TRIM15: variants seen among roughly 807,000 people sequenced by gnomAD.
The protein encoded by TRIM15 is tripartite motif containing 15.
TRIM15 carries 35 observed loss-of-function variants against 35.8 expected under a neutral mutation model. That is an observed-to-expected ratio of 0.98 (90% CI 0.75 to 1.30). The LOEUF is 1.30. Ranked by LOEUF, TRIM15 falls within the 50% of genes most tolerant of loss-of-function variation. The pLI is 0.00. For missense variants in TRIM15, 590 were observed against 593.5 expected, an observed-to-expected ratio of 0.99 and a Z score of 0.06; for synonymous variants, 252 against 249.8, an observed-to-expected ratio of 1.01 and a Z score of -0.08.
intron 2 of TRIM15, 63 bp downstream of exon 2, chr6:30,167,334 C>T: frequency 7.3e-7 from 1 of 1,364,366 alleles, no homozygotes; most frequent in Non-Finnish European, 1.0e-6. Context: ...TCTGGGGAAA[C>T]CCGTTGGCTG....
chr6:30,165,179 G>T lies in TRIM15; in HGVS notation c.381+1114G>T, dbSNP rs144433704. On this transcript the variant is annotated intron_variant, in intron 1 of 6. Coordinates refer to ENST00000376694, the MANE Select transcript of TRIM15 (RefSeq NM_033229.3). The stretch of plus-strand genomic sequence containing the variant: ...GCAGGTTTGTTACATAGGTATATAC[G>T]TGCCATGGTGGTTTGCTGCACCCAT... Among the ~76,000 whole-genome samples, 15 of 151,604 alleles carry T rather than the reference G, an allele frequency of 9.9e-5. No homozygotes were observed. In the South Asian group the frequency reaches 3.1e-3, roughly 32 times the overall value.
chr6:30,167,014 T>C (rs1263730876), intron 1 of TRIM15, among the ~76,000 whole-genome samples, 162 bp from the exon 2 acceptor site: 2 of 152,224 alleles, frequency 1.3e-5, no homozygotes, highest in African/African-American at 4.8e-5. Context: ...TCACTTGACA[T>C]TGACTTCTTC....
chr6:30,167,411 G>A, intron 2 of TRIM15, 140 bp downstream of exon 2: 1 of 682,756 alleles, frequency 1.5e-6, no homozygotes, highest in South Asian at 1.9e-5. Context: ...GCTGCACAAA[G>A]GCATTTGGGA....
At chr6:30,166,713 A>G (rs1334478680) in intron 1 of TRIM15, among the ~76,000 whole-genome samples, 10 of 152,278 alleles carry the variant, frequency 6.6e-5, no homozygotes, top group African/African-American at 2.2e-4. Flanking sequence ...CATTTTCACA[A>G]TATTGATTCT....
In TRIM15 at chr6:30,172,662, A is replaced by T; in HGVS notation, c.*313A>T. 3.4e-6 allele frequency: 2 copies of T among 591,866 alleles called. No homozygotes were observed. The highest frequency in any genetic ancestry group is 3.7e-5 in the African/African-American group (2 of 53,620). The allele number at this position is 591,866 out of a possible 1,614,324, so 36.7% of individuals were successfully genotyped here. ...TTTCGGGGAAAAAAAAGAAAAAGAC[A>T]TCTAAAATAAAATGTTTAAACTGTT... On this transcript the variant is annotated 3_prime_UTR_variant, in exon 7 of 7. Transcript: ENST00000376694.
rs753244485 is a variant in TRIM15 at position 30,172,289 on chromosome 6, CAA to C, written c.1340_1341del (p.Lys447SerfsTer111). The C allele has an allele frequency of 2.2e-5, 36 of 1,612,774 alleles. No homozygotes were observed. Among genetic ancestry groups the C allele is most frequent in the Middle Eastern group, 1.6e-4 (1 of 6,082 alleles). On this transcript the variant is annotated frameshift_variant, in exon 7 of 7. Transcript: ENST00000376694. LOFTEE classifies it low-confidence loss of function (END_TRUNC). ...TCACCTTCACTGCCTCTTTCTCCGG[CAA>C]AGTCTTCCCTTTCTTTGCCGTCTGG... ...IFTFTASFSGKVFPFFAVWKK... is the reference protein window; with the variant it reads ...IFTFTASFSGXVFPFFAVWKK...
At chr6:30,168,030 A>C (rs1201719227) in intron 2 of TRIM15, among the ~76,000 whole-genome samples, 1 of 152,206 alleles carries the variant, frequency 6.6e-6, no homozygotes, top group Non-Finnish European at 1.5e-5. Flanking sequence ...ATGGTATTGT[A>C]GTTGTGGAAA....
rs760140067 is a variant in TRIM15, at chr6:30,164,023, G to T, written c.339G>T (p.Ala113=). The change falls in exon 1 of 7, where the codon GCG becomes GCT. Residue 113 remains alanine (A), a synonymous_variant. Transcript: ENST00000376694. ...VFCREGPTHQ[A]HTVGFLDEAI... is the part of the protein sequence containing the mutation. ...GCAGGGAGGGTCCCACGCACCAGGC[G>T]CACACCGTGGGGTTCCTGGACGAGG... 26 of 1,613,032 alleles carry T rather than the reference G, an allele frequency of 1.6e-5. No homozygotes were observed. Among genetic ancestry groups the T allele is most frequent in the Non-Finnish European group, 2.2e-5 (26 of 1,179,968 alleles).
intron 2 of TRIM15, among the ~76,000 whole-genome samples, 190 bp from the exon 3 acceptor site, chr6:30,168,110 C>T (rs1773740141): frequency 6.6e-6 from 1 of 152,176 alleles, no homozygotes; most frequent in Non-Finnish European, 1.5e-5. Flanking sequence ...CTAGCTAAGA[C>T]AGTAGCACAG....
At chr6:30,169,437 A>G in intron 4 of TRIM15, 174 bp downstream of exon 4, 1 of 757,324 alleles carries the variant, frequency 1.3e-6, no homozygotes, top group Non-Finnish European at 2.3e-6. Flanking sequence ...TTTGCGTTCT[A>G]AAGGTTCATT....
chr6:30,163,855 C>T lies in TRIM15; in HGVS notation c.171C>T (p.Cys57=), dbSNP rs1004010423. ...AATCCTCGGGCAAGATCCTGCTCTG[C>T]CCGCTCTGCCAAGAGGAGGAGCAGG... The part of the protein sequence containing the change: ...GAQSSGKILL[C]PLCQEEEQAE... Residue 57 remains cysteine (C), a synonymous_variant, in exon 1 of 7, where the codon TGC becomes TGT. Transcript: ENST00000376694. The T allele has an allele frequency of 6.2e-7, 1 of 1,613,036 alleles. No homozygotes were observed. Among genetic ancestry groups the T allele is most frequent in the East Asian group, 2.2e-5 (1 of 44,880 alleles).
At chr6:30,169,895 T>C (rs777970884) in intron 4 of TRIM15, 3 of 204,674 alleles carry the variant, frequency 1.5e-5, no homozygotes, top group Admixed American at 5.5e-5. Context: ...AAACCCAGGG[T>C]CCATGAATCA....
Position 30,163,717 on chromosome 6 carries a change from T to C in TRIM15, c.33T>C (p.His11=). The C allele has an allele frequency of 6.2e-7, 1 of 1,607,176 alleles. No individual in the cohort carries two copies. Among genetic ancestry groups the C allele is most frequent in the Non-Finnish European group, 8.5e-7 (1 of 1,175,044 alleles). Residue 11 remains histidine, a synonymous_variant, in exon 1 of 7, where the codon CAT becomes CAC. Coordinates refer to ENST00000376694, the MANE Select transcript of TRIM15 (RefSeq NM_033229.3). The stretch of plus-strand genomic sequence containing the variant: ...CAACCCCGTCCCTGAAGGTGGTCCA[T>C]GAGCTGCCTGCCTGTACCCTCTGTG... MPATPSLKVV[H]ELPACTLCAG... is the part of the protein sequence containing the mutation.
At chr6:30,171,726 A>G in intron 6 of TRIM15, 106 bp from the exon 7 acceptor site, 1 of 1,386,514 alleles carries the variant, frequency 7.2e-7, no homozygotes, top group Non-Finnish European at 9.5e-7. Flanking sequence ...GCCCAATGGC[A>G]GGCTGCCCAA....
intron 3 of TRIM15, 102 bp from the exon 4 acceptor site, chr6:30,169,139 G>A: frequency 7.6e-7 from 1 of 1,322,264 alleles, no homozygotes; most frequent in Non-Finnish European, 1.1e-6. Flanking sequence ...CTCTGCAGAA[G>A]GAGAGTTTTG....
chr6:30,170,762 G>T, intron 5 of TRIM15, 146 bp downstream of exon 5: 1 of 776,374 alleles, frequency 1.3e-6, no homozygotes, highest in South Asian at 1.8e-5. Flanking sequence ...AATTTATTCA[G>T]GGGCACTATT....
rs1774054695 is a variant in TRIM15 at position 30,171,982 on chromosome 6, TCTC to T, written c.1036_1038del (p.Ser346del). 7 of 1,586,094 alleles carry T rather than the reference TCTC, an allele frequency of 4.4e-6. No individual in the cohort carries two copies. The highest frequency in any genetic ancestry group is 6.0e-6 in the Non-Finnish European group (7 of 1,165,868). ...CCGGCGGTTCTGGGCTTCCCGGGCTTCTCCTCCGGGCGCCACCGCTGGCAGGTT... is the reference window on the plus strand; with the variant it reads ...CCGGCGGTTCTGGGCTTCCCGGGCTTCTCCGGGCGCCACCGCTGGCAGGTT... On this transcript the variant is annotated inframe_deletion, in exon 7 of 7. Coordinates refer to ENST00000376694, the MANE Select transcript of TRIM15 (RefSeq NM_033229.3).
intron 4 of TRIM15, 48 bp downstream of exon 4, chr6:30,169,311 T>C (rs766162833): frequency 3.1e-6 from 5 of 1,612,028 alleles, no homozygotes; most frequent in Admixed American, 3.3e-5. Flanking sequence ...ACATCAAGAC[T>C]GAATGGGAAG....
In TRIM15 at chr6:30,170,484, A is replaced by G; in HGVS notation, c.732-17A>G. ...TTTTGGAATTTGGACCTAACTGGTT[A>G]CCAAACCTGTCTGCAGGTGTGAGAT... On this transcript the variant is annotated splice_polypyrimidine_tract_variant and intron_variant, in intron 4 of 6. Coordinates refer to ENST00000376694, the MANE Select transcript of TRIM15 (RefSeq NM_033229.3). 6.3e-7 allele frequency: 1 copy of G among 1,589,562 alleles called. No homozygotes were observed. Among genetic ancestry groups the G allele is most frequent in the Non-Finnish European group, 8.6e-7 (1 of 1,159,120 alleles).
Sources: allele counts gnomAD v4.1 joint callset (sites outside exome capture counted in the v4.1 genomes callset), GRCh38; gene constraint gnomAD v4.1.1; transcripts MANE v1.5; gene names NCBI Gene and HGNC (gene_info 2026-07-23, HGNC 2026-07-21).